Variants in CHRM2 observed in about 807,000 individuals in gnomAD.
The protein encoded by CHRM2 is cholinergic receptor muscarinic 2.
In CHRM2, 8 loss-of-function variants were observed where a neutral mutation model predicts 25.0. The ratio of observed to expected loss-of-function variants is 0.32; its 90% CI spans 0.19 to 0.58. CHRM2 has a LOEUF of 0.58. Among genes scored for constraint, CHRM2 ranks in the 20% least tolerant of loss-of-function variants. The pLI is 0.88. For missense variants in CHRM2, 440 were observed against 567.1 expected, an observed-to-expected ratio of 0.78 and a Z score of 2.28; for synonymous variants, 202 against 205.7, an observed-to-expected ratio of 0.98 and a Z score of 0.15.
rs181430919 is a variant in CHRM2 at position 136,944,518 on chromosome 7, C to T, written c.-124-47669C>T. ...GTATACATATATGTGTACATATATA[C>T]GTGTGTGTGTACATATATACATATA... On this transcript the variant is annotated intron_variant, in intron 2 of 3. Coordinates refer to ENST00000680005, the MANE Select transcript of CHRM2 (RefSeq NM_001006630.2). 2.1e-3 allele frequency among the ~76,000 whole-genome samples: 314 copies of T among 151,652 alleles called. 2 individuals are homozygous for T. Among genetic ancestry groups the T allele is most frequent in the Admixed American group, 3.2e-3 (48 of 15,192 alleles).
At chr7:136,883,592 C>T (rs1278901063) in intron 2 of CHRM2, among the ~76,000 whole-genome samples, 1 of 152,106 alleles carries the variant, frequency 6.6e-6, no homozygotes, top group Non-Finnish European at 1.5e-5. Flanking sequence ...ATGGAAGGTT[C>T]CACATGATTA....
At chr7:136,924,811 CCA>C (rs1393128985) in intron 2 of CHRM2, among the ~76,000 whole-genome samples, 3 of 152,168 alleles carry the variant, frequency 2.0e-5, no homozygotes, top group African/African-American at 7.2e-5. Context: ...TTATGGTGAG[CCA>C]CATTTTGCTT....
At chr7:136,978,842 G>A (rs932690680) in intron 2 of CHRM2, among the ~76,000 whole-genome samples, 1 of 152,186 alleles carries the variant, frequency 6.6e-6, no homozygotes, top group Non-Finnish European at 1.5e-5. Flanking sequence ...TATTTATCCA[G>A]TGTAGCATTG....
At chr7:136,986,727 G>A (rs891678268) in intron 2 of CHRM2, among the ~76,000 whole-genome samples, 2 of 151,990 alleles carry the variant, frequency 1.3e-5, no homozygotes, top group African/African-American at 2.4e-5. Flanking sequence ...TTCTACCCTG[G>A]GGCAAGCCGT....
chr7:136,894,783 T>A (rs1796827864), intron 2 of CHRM2, among the ~76,000 whole-genome samples: 1 of 152,208 alleles, frequency 6.6e-6, no homozygotes, highest in Non-Finnish European at 1.5e-5. Flanking sequence ...ATTTTGTAAG[T>A]GTCCAACACT....
intron 2 of CHRM2, among the ~76,000 whole-genome samples, chr7:136,975,636 A>G (rs1395149468): frequency 6.6e-6 from 1 of 152,192 alleles, no homozygotes; most frequent in Non-Finnish European, 1.5e-5. Context: ...ACTGCTTTCA[A>G]ACAAGGTTTA....
At chr7:136,906,649 T>C (rs1797569025) in intron 2 of CHRM2, among the ~76,000 whole-genome samples, 1 of 151,846 alleles carries the variant, frequency 6.6e-6, no homozygotes. Context: ...AGTTTTGTTT[T>C]AATAAACTTA....
intron 2 of CHRM2, among the ~76,000 whole-genome samples, chr7:136,918,606 TTATTA>T (rs1249232043): frequency 2.0e-5 from 3 of 152,026 alleles, no homozygotes; most frequent in Non-Finnish European, 4.4e-5. Context: ...CTTATTTATT[TTATTA>T]GAGACAGTGT....
intron 2 of CHRM2, among the ~76,000 whole-genome samples, chr7:136,960,280 T>C (rs952541944): frequency 1.3e-5 from 2 of 152,236 alleles, no homozygotes; most frequent in Non-Finnish European, 2.9e-5. Context: ...TAACAGAGGC[T>C]GCTAGCAGCC....
chr7:137,009,845 G>A (rs763019028), intron 3 of CHRM2, among the ~76,000 whole-genome samples: 4 of 151,704 alleles, frequency 2.6e-5, no homozygotes, highest in East Asian at 1.9e-4. Flanking sequence ...TAATATTATC[G>A]ATAATTTAAT....
At position 137,016,290 on chromosome 7, in the gene CHRM2, G is replaced by A. The variant is rs981422351; in HGVS notation, c.*24G>A. The A allele has an allele frequency of 1.9e-6, 3 of 1,605,034 alleles. No homozygotes were observed. The highest frequency in any genetic ancestry group is 2.2e-5 in the East Asian group (1 of 44,642). ...AAAATATCTTTGAAAAAGATAGAAG[G>A]TGGGCAAGGGGAGCTTGAGAAGAAT... On this transcript the variant is annotated 3_prime_UTR_variant, in exon 4 of 4. Coordinates refer to ENST00000680005, the MANE Select transcript of CHRM2 (RefSeq NM_001006630.2).
At chr7:137,009,666 T>G (rs921003900) in intron 3 of CHRM2, among the ~76,000 whole-genome samples, 6 of 152,038 alleles carry the variant, frequency 3.9e-5, no homozygotes, top group Admixed American at 2.0e-4. Context: ...TAGTAGAGTC[T>G]GGAGTTGGGT....
chr7:136,875,286 TTTACTC>T (rs1470012833), intron 2 of CHRM2, among the ~76,000 whole-genome samples: 1 of 151,896 alleles, frequency 6.6e-6, no homozygotes, highest in Non-Finnish European at 1.5e-5. Context: ...ACGTAGACGT[TTTACTC>T]TTACTTACAT....
intron 2 of CHRM2, among the ~76,000 whole-genome samples, chr7:136,898,191 A>T (rs1797008539): frequency 1.3e-5 from 2 of 152,140 alleles, no homozygotes; most frequent in Admixed American, 1.3e-4. Flanking sequence ...CTCATAGTCC[A>T]TATACATGGT....
In CHRM2 at chr7:136,869,555, A is replaced by G. The variant is rs918482551; in HGVS notation, c.-125+137A>G. On this transcript the variant is annotated intron_variant, in intron 2 of 3. Transcript: ENST00000680005. The surrounding 1 kb of genome is among the most constrained non-coding windows in gnomAD (Gnocchi z 4.9). ...GGGGAATTGGAGGGAGGTCCTCCCCACGTGCAGATTCTCAAACGGAAACTT... is the reference window on the plus strand; with the variant it reads ...GGGGAATTGGAGGGAGGTCCTCCCCGCGTGCAGATTCTCAAACGGAAACTT... The G allele has an allele frequency of 6.6e-6, 1 of 152,372 alleles. No individual in the cohort carries two copies. Among genetic ancestry groups the G allele is most frequent in the African/African-American group, 2.4e-5 (1 of 41,458 alleles). The allele number at this position is 152,372 out of a possible 1,614,324, so 9.4% of individuals were successfully genotyped here.
chr7:137,010,874 G>A (rs1019451066), intron 3 of CHRM2, among the ~76,000 whole-genome samples: 15 of 151,908 alleles, frequency 9.9e-5, no homozygotes, highest in African/African-American at 2.7e-4. Context: ...AATTCCACAC[G>A]TTACTGGATA....
At chr7:136,944,583 C>T (rs1408230173) in intron 2 of CHRM2, among the ~76,000 whole-genome samples, 1 of 151,898 alleles carries the variant, frequency 6.6e-6, no homozygotes, top group Non-Finnish European at 1.5e-5. Context: ...TGATGAGCAT[C>T]TGGACTGGTT....
At chr7:137,008,168 C>A (rs1016103050) in intron 3 of CHRM2, among the ~76,000 whole-genome samples, 1 of 151,956 alleles carries the variant, frequency 6.6e-6, no homozygotes, top group South Asian at 2.1e-4. Flanking sequence ...GCTTCATTTG[C>A]TTTCTCATCA....
intron 2 of CHRM2, among the ~76,000 whole-genome samples, chr7:136,918,921 T>C (rs975865765): frequency 6.6e-6 from 1 of 152,076 alleles, no homozygotes; most frequent in South Asian, 2.1e-4. Context: ...TGCTGAAAGG[T>C]TTCTTAACAA....
Sources: gnomAD v4.1 joint callset for allele counts (sites outside exome capture counted in the v4.1 genomes callset) on GRCh38, gnomAD v4.1.1 for gene constraint, Gnocchi (gnomAD v3.1) non-coding constraint, MANE v1.5 for transcripts, NCBI Gene and HGNC (gene_info 2026-07-23, HGNC 2026-07-21) for gene names.